ERCC6L2: variants seen among roughly 807,000 people sequenced by gnomAD.
ERCC6L2 encodes the protein ERCC excision repair 6 like 2.
In ERCC6L2, 77 loss-of-function variants were observed where a neutral mutation model predicts 132.0. That is an observed-to-expected ratio of 0.58 (90% CI 0.49 to 0.71). ERCC6L2 has a LOEUF of 0.71. Ranked by LOEUF, ERCC6L2 falls within the 30% of genes least tolerant of loss-of-function variation. The pLI is 0.00. For synonymous variants in ERCC6L2, 583 were observed against 632.4 expected (o/e 0.92, Z 1.17); for missense variants, 1,542 against 1,837.6 (o/e 0.84, Z 2.94).
intron 11 of ERCC6L2, among the ~76,000 whole-genome samples, chr9:95,940,369 A>G (rs556379164): frequency 2.6e-5 from 4 of 152,028 alleles, no homozygotes; most frequent in Non-Finnish European, 4.4e-5. Context: ...ATAGTCTGTG[A>G]CTTTCGGCAT....
At chr9:96,004,993 A>G (rs1468775925) in intron 18 of ERCC6L2, 6 of 309,212 alleles carry the variant, frequency 1.9e-5, no homozygotes, top group Non-Finnish European at 3.1e-5. Context: ...ATGCCCAGGC[A>G]TTGTGCTGAG....
At chr9:95,946,444 C>T (rs540293162) in intron 12 of ERCC6L2, among the ~76,000 whole-genome samples, 26 of 152,220 alleles carry the variant, frequency 1.7e-4, no homozygotes, top group Non-Finnish European at 3.2e-4. Context: ...AGGAGAATGG[C>T]GTGAACCTGG....
In ERCC6L2 at chr9:95,897,879, A is replaced by T; in HGVS notation, c.502A>T (p.Lys168Ter). 6.2e-7 allele frequency: 1 copy of T among 1,612,380 alleles called. No individual in the cohort carries two copies. The highest frequency in any genetic ancestry group is 8.5e-7 in the Non-Finnish European group (1 of 1,179,268). The change falls in exon 3 of 19, where the codon AAA becomes TAA. Residue 168 changes from lysine to a stop codon, truncating the protein, a stop_gained. Transcript: ENST00000653738. LOFTEE classifies it high-confidence loss of function. ...VISFLAAVLH[K>*]KGTREDIENN... The stretch of plus-strand genomic sequence containing the variant: ...TTCATTTCTGGCTGCAGTTTTGCAT[A>T]AAAAGGGAACTCGTGAGGATATTGA...
intron 4 of ERCC6L2, among the ~76,000 whole-genome samples, chr9:95,910,854 A>G (rs972527344): frequency 5.3e-5 from 8 of 152,178 alleles, no homozygotes; most frequent in Non-Finnish European, 1.0e-4. Context: ...GGCCTTCACA[A>G]CTAAGTCAGT....
chr9:95,967,882 A>G (rs1001766452), intron 14 of ERCC6L2: 1 of 152,152 alleles, frequency 6.6e-6, no homozygotes, highest in African/African-American at 2.4e-5. Context: ...CCTCCATCTC[A>G]GAGTACTACT....
chr9:96,039,243 G>A (rs145321122), intron 20 of ERCC6L2, among the ~76,000 whole-genome samples: 4 of 152,220 alleles, frequency 2.6e-5, no homozygotes, highest in African/African-American at 9.6e-5. Flanking sequence ...GGAGCATGGG[G>A]TGGGTCCCAA....
intron 3 of ERCC6L2, among the ~76,000 whole-genome samples, chr9:95,905,297 A>G (rs951390705): frequency 6.6e-6 from 1 of 152,222 alleles, no homozygotes; most frequent in African/African-American, 2.4e-5. Flanking sequence ...TTTCACTACC[A>G]AAATGAATTT....
chr9:95,906,993 CTATTGA>C (rs1407580029), intron 3 of ERCC6L2, 79 bp from the exon 4 acceptor site: 6 of 861,462 alleles, frequency 7.0e-6, no homozygotes, highest in South Asian at 3.1e-5. Flanking sequence ...AGGAAGAGGA[CTATTGA>C]TATTGATATT....
chr9:95,907,857 C>CACACACACACACACCCACA, intron 4 of ERCC6L2, among the ~76,000 whole-genome samples: 24 of 133,740 alleles, frequency 1.8e-4, no homozygotes, highest in African/African-American at 6.7e-4. Flanking sequence ...ACACACACAC[C>CACACACACACACACCCACA]CCCACACCCA....
chr9:96,023,628 G>A (rs543627915), intron 19 of ERCC6L2, among the ~76,000 whole-genome samples: 3 of 152,288 alleles, frequency 2.0e-5, no homozygotes, highest in Non-Finnish European at 2.9e-5. Flanking sequence ...AATGGAGCCC[G>A]GAGTTTCTCA....
chr9:96,035,382 C>G lies in ERCC6L2; in HGVS notation c.*1504-3494C>G, dbSNP rs1002868969. 1.7e-4 allele frequency among the ~76,000 whole-genome samples: 26 copies of G among 152,334 alleles called. No homozygotes were observed. In the East Asian group the frequency reaches 3.1e-3, roughly 18 times the overall value. ...ATGGACCAACTGGCAGGCACTTCCT[C>G]TCCTCTGAGGGCCATGAAAGCCTGG... On this transcript the variant is annotated intron_variant and NMD_transcript_variant, in intron 19 of 20. Coordinates refer to the ERCC6L2 transcript ENST00000670016.
intron 4 of ERCC6L2, among the ~76,000 whole-genome samples, chr9:95,914,157 G>A (rs1829468907): frequency 6.6e-6 from 1 of 152,116 alleles, no homozygotes; most frequent in Non-Finnish European, 1.5e-5. Context: ...ACTTGATATT[G>A]TTAATCATTT....
chr9:95,994,727 T>G (rs372252324), intron 17 of ERCC6L2, among the ~76,000 whole-genome samples: 1 of 152,162 alleles, frequency 6.6e-6, no homozygotes, highest in Admixed American at 6.5e-5. Context: ...CCAAAGAGAT[T>G]TAGAAAGATG....
chr9:95,933,923 T>C (rs1239239079), intron 11 of ERCC6L2, among the ~76,000 whole-genome samples: 1 of 151,792 alleles, frequency 6.6e-6, no homozygotes, highest in Non-Finnish European at 1.5e-5. Context: ...GTTCCTGATA[T>C]ATAGTAGATG....
intron 2 of ERCC6L2, among the ~76,000 whole-genome samples, chr9:95,888,088 G>A (rs1827970540): frequency 7.1e-6 from 1 of 140,228 alleles, no homozygotes; most frequent in African/African-American, 2.6e-5. Context: ...TTTTTTCAAA[G>A]CGAGCAAAAA....
intron 2 of ERCC6L2, among the ~76,000 whole-genome samples, chr9:95,882,330 A>C (rs906034112): frequency 5.9e-5 from 9 of 152,230 alleles, no homozygotes; most frequent in Non-Finnish European, 1.2e-4. Context: ...CAGGACTGGG[A>C]ATATGAAGAG....
At chr9:95,973,128 T>C (rs1283783810) in intron 16 of ERCC6L2, 40 bp downstream of exon 16, 1 of 1,208,466 alleles carries the variant, frequency 8.3e-7, no homozygotes, top group African/African-American at 1.6e-5. Context: ...AAAAGTATAT[T>C]TGTTTTATCA....
In ERCC6L2 at chr9:95,941,557, A is replaced by G; in HGVS notation, c.1847+8A>G. ...TCTTCAAGCCATTGACAGGTATAAT[A>G]CTGACAAAATTTAAAGTGATCTGCA... On this transcript the variant is annotated splice_region_variant and intron_variant, in intron 12 of 18. Transcript: ENST00000653738. The G allele has an allele frequency of 4.4e-6, 7 of 1,589,584 alleles. No individual in the cohort carries two copies. Among genetic ancestry groups the G allele is most frequent in the Non-Finnish European group, 6.0e-6 (7 of 1,159,374 alleles).
chr9:95,877,630 G>T (rs917538111), intron 1 of ERCC6L2, among the ~76,000 whole-genome samples: 1 of 151,866 alleles, frequency 6.6e-6, no homozygotes, highest in East Asian at 1.9e-4. Context: ...ACATAAGCGA[G>T]ACCCTGTCTC....
Sources: gnomAD v4.1 joint callset for allele counts (sites outside exome capture counted in the v4.1 genomes callset) on GRCh38, gnomAD v4.1.1 for gene constraint, MANE v1.5 for transcripts, NCBI Gene and HGNC (gene_info 2026-07-23, HGNC 2026-07-21) for gene names.